The following LINC00632 variants were observed in gnomAD, a reference collection of about 807,000 sequenced individuals.
LINC00632 encodes long independently transcribed non-coding RNA 632.
intron 2 of LINC00632, among the ~76,000 whole-genome samples, chrX:140,721,703 C>A (rs1388108949): frequency 9.0e-6 from 1 of 111,087 alleles, no homozygotes; most frequent in East Asian, 2.9e-4. Context: ...CCATAATACA[C>A]AAACCATCCT....
At chrX:140,778,186 C>A (rs1402676039) in exon 5 of LINC00632, among the ~76,000 whole-genome samples, 1 of 112,364 alleles carries the variant, frequency 8.9e-6, no homozygotes, top group Non-Finnish European at 1.9e-5. Context: ...AACAGAGAAC[C>A]CTGTATGGTG....
exon 4 of LINC00632, chrX:140,772,205 G>C (rs1426496079): frequency 1.7e-5 from 5 of 294,007 alleles, no homozygotes; most frequent in African/African-American, 1.4e-4. Flanking sequence ...GAGAGCTTTG[G>C]AACGATATGC....
chrX:140,775,970 A>C (rs1931866253), exon 5 of LINC00632, among the ~76,000 whole-genome samples: 2 of 111,887 alleles, frequency 1.8e-5, no homozygotes, highest in African/African-American at 6.5e-5. Context: ...AGCAAATGAA[A>C]CTAGCATCAG....
chrX:140,720,027 C>T (rs367750798), intron 2 of LINC00632, among the ~76,000 whole-genome samples: 7 of 104,585 alleles, frequency 6.7e-5, no homozygotes, highest in African/African-American at 2.5e-4. Flanking sequence ...GCGGAGGTTG[C>T]GGTGAGCCAA....
chrX:140,747,931 G>A (rs1391032990), intron 3 of LINC00632, among the ~76,000 whole-genome samples: 6 of 111,945 alleles, frequency 5.4e-5, no homozygotes, highest in Admixed American at 4.7e-4. Flanking sequence ...GGGTTCAAGT[G>A]ATTCTCCTGT....
At chrX:140,726,194 C>A (rs1388660649) in intron 2 of LINC00632, among the ~76,000 whole-genome samples, 2 of 111,189 alleles carry the variant, frequency 1.8e-5, no homozygotes, top group Non-Finnish European at 3.8e-5. Context: ...GGCACCCACA[C>A]GTACCTTATA....
exon 5 of LINC00632, among the ~76,000 whole-genome samples, chrX:140,788,689 A>T (rs1259504319): frequency 9.2e-6 from 1 of 108,332 alleles, no homozygotes; most frequent in Non-Finnish European, 1.9e-5. Context: ...GAGTGAAAAG[A>T]AAAGTGTTGA....
chrX:140,776,217 A>G (rs781017838), exon 5 of LINC00632, among the ~76,000 whole-genome samples: 71 of 112,492 alleles, frequency 6.3e-4, no homozygotes, highest in South Asian at 2.2e-3. Flanking sequence ...TCAAAACCAC[A>G]ATGAGAGCCA....
intron 2 of LINC00632, among the ~76,000 whole-genome samples, chrX:140,724,006 C>T (rs765242739): frequency 5.6e-3 from 99 of 17,528 alleles, no homozygotes; most frequent in South Asian, 0.017. Flanking sequence ...AGACACACAC[C>T]ATACACACAC....
chrX:140,744,573 G>A (rs1299614502), intron 3 of LINC00632, among the ~76,000 whole-genome samples: 1 of 67,967 alleles, frequency 1.5e-5, no homozygotes, highest in African/African-American at 4.8e-5. Context: ...TTTTTGGGGG[G>A]GGGGGTGGGG....
chrX:140,785,500 A>G (rs1205247542), exon 5 of LINC00632, among the ~76,000 whole-genome samples: 5 of 112,390 alleles, frequency 4.4e-5, no homozygotes, highest in African/African-American at 1.6e-4. Flanking sequence ...TCATGATAGA[A>G]TGATGTGATC....
chrX:140,729,044 C>T (rs1448273378), intron 2 of LINC00632, among the ~76,000 whole-genome samples: 1 of 111,374 alleles, frequency 9.0e-6, no homozygotes, highest in Non-Finnish European at 1.9e-5. Flanking sequence ...ACAAAACAAG[C>T]CATCACACAA....
chrX:140,757,704 T>C (rs773893730), intron 3 of LINC00632, among the ~76,000 whole-genome samples: 54 of 111,037 alleles, frequency 4.9e-4, no homozygotes, highest in African/African-American at 1.7e-3. Context: ...GTAGCTGGGA[T>C]TACAGACAAG....
At chrX:140,763,883 G>A (rs943959700) in intron 3 of LINC00632, among the ~76,000 whole-genome samples, 1 of 111,726 alleles carries the variant, frequency 9.0e-6, no homozygotes, top group Non-Finnish European at 1.9e-5. Context: ...TTTATGTTGC[G>A]AAGGGCTTCA....
At chrX:140,775,223 G>A (rs1012761992) in exon 5 of LINC00632, among the ~76,000 whole-genome samples, 2 of 111,758 alleles carry the variant, frequency 1.8e-5, no homozygotes, top group South Asian at 7.4e-4. Flanking sequence ...GTTCTCTGAT[G>A]GTGATGGAGA....
At chrX:140,742,883 G>T (rs1332039648) in intron 3 of LINC00632, among the ~76,000 whole-genome samples, 1 of 98,456 alleles carries the variant, frequency 1.0e-5, no homozygotes, top group Admixed American at 1.1e-4. Context: ...GAGAGAGGAA[G>T]GAAGGAAGGA....
exon 5 of LINC00632, among the ~76,000 whole-genome samples, chrX:140,781,005 C>T (rs1008882321): frequency 9.0e-6 from 1 of 110,567 alleles, no homozygotes; most frequent in African/African-American, 3.3e-5. Flanking sequence ...TCCTTATGTA[C>T]GGTTCTGATT....
At chrX:140,729,290 C>T (rs72617943) in intron 2 of LINC00632, among the ~76,000 whole-genome samples, 12,862 of 108,525 alleles carry the variant, frequency 0.12, 1,012 homozygotes, top group African/African-American at 0.28. Context: ...TAGTATTGCC[C>T]GAAAATGCAC....
chrX:140,790,892 AT>A (rs1932098756), exon 5 of LINC00632, among the ~76,000 whole-genome samples: 1 of 111,467 alleles, frequency 9.0e-6, no homozygotes, highest in African/African-American at 3.3e-5. Flanking sequence ...AGTAGTTTTT[AT>A]TTTCATTTGA....
Sources: gnomAD v4.1 joint callset for allele counts (sites outside exome capture counted in the v4.1 genomes callset) on GRCh38, gnomAD v4.1.1 for gene constraint, MANE v1.5 for transcripts, NCBI Gene and HGNC (gene_info 2026-07-23, HGNC 2026-07-21) for gene names.